Variants in GSR observed in about 807,000 individuals in gnomAD.
GSR encodes glutathione-disulfide reductase.
GSR carries 48 observed loss-of-function variants against 56.5 expected under a neutral mutation model. The ratio of observed to expected loss-of-function variants is 0.85; its 90% CI spans 0.67 to 1.08. GSR has a LOEUF of 1.08. Ranked by LOEUF, GSR falls within the 50% of genes least tolerant of loss-of-function variation. The probability of loss-of-function intolerance (pLI) is 0.00; values close to 1 mark genes in which losing one functional copy is unlikely to be tolerated. For missense variants in GSR, 694 were observed against 703.3 expected, an observed-to-expected ratio of 0.99 and a Z score of 0.15; for synonymous variants, 264 against 270.8, an observed-to-expected ratio of 0.97 and a Z score of 0.25.
chr8:30,723,475 G>A (rs1317199738), intron 1 of GSR, among the ~76,000 whole-genome samples: 3 of 152,004 alleles, frequency 2.0e-5, no homozygotes, highest in African/African-American at 7.2e-5. Flanking sequence ...CTGGGAAACA[G>A]AGGGAGACCC....
intron 9 of GSR, chr8:30,687,478 T>G (rs894780923): frequency 1.3e-5 from 2 of 151,976 alleles, no homozygotes; most frequent in East Asian, 3.9e-4. Flanking sequence ...AAATCCTGTC[T>G]CTATTAAAAA....
chr8:30,685,893 AG>A (rs1378211685), intron 9 of GSR, among the ~76,000 whole-genome samples: 1 of 148,436 alleles, frequency 6.7e-6, no homozygotes, highest in Non-Finnish European at 1.5e-5. Context: ...AAGCTGAGGC[AG>A]GAGAATCACT....
At chr8:30,703,790 G>A in intron 4 of GSR, among the ~76,000 whole-genome samples, 1 of 150,090 alleles carries the variant, frequency 6.7e-6, no homozygotes, top group African/African-American at 2.5e-5. Context: ...AGCAGGGGAA[G>A]GAAGAAGGAG....
chr8:30,685,558 T>C lies in GSR; in HGVS notation c.1042-1359A>G, dbSNP rs144311873. On this transcript the variant is annotated intron_variant, in intron 9 of 12. Transcript: ENST00000221130. ...TTTCCCTTAACCAAAAATATTTTCCTATATGTAGTCAAATTTTTGCTTTAA... is the reference window on the plus strand; with the variant it reads ...TTTCCCTTAACCAAAAATATTTTCCCATATGTAGTCAAATTTTTGCTTTAA... Among the ~76,000 whole-genome samples, 396 of 152,326 alleles carry C rather than the reference T, an allele frequency of 2.6e-3. 2 individuals are homozygous for C. Among genetic ancestry groups the C allele is most frequent in the African/African-American group, 8.9e-3 (371 of 41,580 alleles).
At chr8:30,692,581 A>G (rs1563531176) in intron 8 of GSR, among the ~76,000 whole-genome samples, 1 of 139,290 alleles carries the variant, frequency 7.2e-6, no homozygotes, top group Non-Finnish European at 1.5e-5. Flanking sequence ...GGCTCACTGC[A>G]ACCTCCACCT....
At chr8:30,721,142 C>T (rs1041081010) in intron 1 of GSR, among the ~76,000 whole-genome samples, 8 of 55,108 alleles carry the variant, frequency 1.5e-4, no homozygotes, top group Non-Finnish European at 2.1e-4. Context: ...TACGGGCATC[C>T]GGGGAGAAGA....
At chr8:30,680,480 C>T (rs1267934722) in intron 12 of GSR, among the ~76,000 whole-genome samples, 1 of 149,390 alleles carries the variant, frequency 6.7e-6, no homozygotes, top group African/African-American at 2.5e-5. Flanking sequence ...CTGCAACCTC[C>T]GCCTCCCAGG....
intron 1 of GSR, among the ~76,000 whole-genome samples, chr8:30,714,597 C>T (rs1804264903): frequency 6.6e-6 from 1 of 151,900 alleles, no homozygotes; most frequent in Admixed American, 6.6e-5. Flanking sequence ...TGGGCTCAAG[C>T]AATCCTCCTA....
rs1040248294 is a variant in GSR at position 30,703,093 on chromosome 8, C to T, written c.640G>A (p.Gly214Ser). The T allele has an allele frequency of 8.7e-6, 14 of 1,613,730 alleles. No individual in the cohort carries two copies. The highest frequency in any genetic ancestry group is 5.0e-5 in the Admixed American group (3 of 59,974). The part of the protein sequence containing the change: ...PSTPHESQIP[G>S]ASLGITSDGF... ...AATGAGTACCTGTTGTATGACTCAC[C>T]GGGGATCTGGCTCTCATGAGGGGTG... is the stretch of plus-strand genomic sequence containing the variant. The change falls in exon 5 of 13, where the codon GGT becomes AGT. Residue 214 changes from glycine (G) to serine (S), a missense_variant and splice_region_variant. Coordinates refer to ENST00000221130, the MANE Select transcript of GSR (RefSeq NM_000637.5).
intron 7 of GSR, 43 bp downstream of exon 7, chr8:30,696,336 TA>T (rs1427165427): frequency 7.8e-7 from 1 of 1,282,992 alleles, no homozygotes; most frequent in Non-Finnish European, 1.1e-6. Context: ...CTTCATTTTT[TA>T]AATTAACATC....
At chr8:30,722,546 C>T (rs576784705) in intron 1 of GSR, among the ~76,000 whole-genome samples, 2 of 152,038 alleles carry the variant, frequency 1.3e-5, no homozygotes, top group African/African-American at 4.8e-5. Context: ...GGCAACAAAG[C>T]AAGACCTTGT....
At position 30,684,212 on chromosome 8, in the gene GSR, A is replaced by G; in HGVS notation, c.1042-13T>C. ...CGGTTTGAATCCCCTAAAATTACAA[A>G]GAGATATCATGTAACCACTTGGCCC... On this transcript the variant is annotated splice_polypyrimidine_tract_variant and intron_variant, in intron 9 of 12. Coordinates refer to ENST00000221130, the MANE Select transcript of GSR (RefSeq NM_000637.5). The G allele has an allele frequency of 6.9e-7, 1 of 1,457,686 alleles. No individual in the cohort carries two copies. The highest frequency in any genetic ancestry group is 9.6e-7 in the Non-Finnish European group (1 of 1,037,064). The allele number at this position is 1,457,686 out of a possible 1,614,324, so 90.3% of individuals were successfully genotyped here. A position where few individuals can be genotyped will look rare whatever the true frequency, so the allele number is the denominator to read the frequency against.
intron 2 of GSR, among the ~76,000 whole-genome samples, chr8:30,710,929 A>G (rs1296393144): frequency 1.3e-5 from 2 of 152,046 alleles, no homozygotes; most frequent in Non-Finnish European, 2.9e-5. Context: ...ATTTACCACC[A>G]TAACTGGTTT....
intron 1 of GSR, among the ~76,000 whole-genome samples, chr8:30,726,401 T>G (rs1275911375): frequency 6.6e-6 from 1 of 152,158 alleles, no homozygotes; most frequent in Non-Finnish European, 1.5e-5. Flanking sequence ...GATACAGCAT[T>G]TTAATCGTCA....
chr8:30,719,086 C>T (rs1337095669), intron 1 of GSR, among the ~76,000 whole-genome samples: 7 of 146,632 alleles, frequency 4.8e-5, no homozygotes, highest in Admixed American at 2.1e-4. Flanking sequence ...CCCGCCACCA[C>T]GCCCAGCTAA....
At chr8:30,688,084 A>G (rs1403369314) in intron 9 of GSR, among the ~76,000 whole-genome samples, 5 of 152,220 alleles carry the variant, frequency 3.3e-5, no homozygotes, top group Non-Finnish European at 5.9e-5. Context: ...ACTGTCCACA[A>G]ATACAGACAG....
At position 30,708,075 on chromosome 8, in the gene GSR, G is replaced by A; in HGVS notation, c.489C>T (p.Thr163=). 1 of 1,609,796 alleles carries A rather than the reference G, an allele frequency of 6.2e-7. No individual in the cohort carries two copies. Among genetic ancestry groups the A allele is most frequent in the Non-Finnish European group, 8.5e-7 (1 of 1,176,012 alleles). The change falls in exon 4 of 13, where the codon ACC becomes ACT. Residue 163 remains threonine, a synonymous_variant. Coordinates refer to ENST00000221130, the MANE Select transcript of GSR (RefSeq NM_000637.5). ...RLNAIYQNNL[T]KSHIEIIRGH... is the part of the protein sequence containing the mutation. ...GTTAAAAACCCAGCATACACACCTT[G>A]GTGAGATTGTTTTGATAGATGGCAT...
chr8:30,720,657 A>G (rs2161849), intron 1 of GSR, among the ~76,000 whole-genome samples: 134,502 of 151,130 alleles, frequency 0.89, 60,249 homozygotes, highest in Non-Finnish European at 0.94. Flanking sequence ...GAGGCATCAA[A>G]CTTGAGAAAA....
At chr8:30,706,000 C>G (rs1386448785) in intron 4 of GSR, among the ~76,000 whole-genome samples, 1 of 151,958 alleles carries the variant, frequency 6.6e-6, no homozygotes, top group East Asian at 1.9e-4. Context: ...TCACAGTGGC[C>G]TAATTATCAT....
Sources: gnomAD v4.1 joint callset for allele counts (sites outside exome capture counted in the v4.1 genomes callset) on GRCh38, gnomAD v4.1.1 for gene constraint, MANE v1.5 for transcripts, NCBI Gene and HGNC (gene_info 2026-07-23, HGNC 2026-07-21) for gene names.